The following RGS3 variants were observed in gnomAD, a reference collection of about 807,000 sequenced individuals.
RGS3 encodes regulator of G-protein signalling 3.
In RGS3, 80 loss-of-function variants were observed where a neutral mutation model predicts 132.6. The ratio of observed to expected loss-of-function variants is 0.60; its 90% confidence interval spans 0.50 to 0.73. The LOEUF (loss-of-function observed/expected upper bound fraction) is 0.73. RGS3 is among the 30% of genes least tolerant of loss of function. The pLI is 0.00. For synonymous variants in RGS3, 598 were observed against 620.6 expected, an observed-to-expected ratio of 0.96 and a Z score of 0.54; for missense variants, 1,382 against 1,530.8, an observed-to-expected ratio of 0.90 and a Z score of 1.62.
At chr9:113,563,476 C>T (rs1339249311) in intron 19 of RGS3, among the ~76,000 whole-genome samples, 1 of 152,228 alleles carries the variant, frequency 6.6e-6, no homozygotes, top group African/African-American at 2.4e-5. Flanking sequence ...TCTTATCCCA[C>T]ACACCAGAAA....
Position 113,519,882 on chromosome 9 carries a change from G to T in RGS3, c.1758+2258G>T, listed in dbSNP as rs147555900. On this transcript the variant is annotated intron_variant, in intron 16 of 24. Transcript: ENST00000350696. ...AGCCCCTTCCAGAAGTAATAGACTT[G>T]ATTAATGTGCCCTGAGGTCTATGGC... 1.4e-4 allele frequency among the ~76,000 whole-genome samples: 21 copies of T among 152,278 alleles called. 1 individual carries two copies. The highest frequency in any genetic ancestry group is 2.8e-4 in the Non-Finnish European group (19 of 68,018).
At chr9:113,478,963 C>T (rs1327854060) in intron 3 of RGS3, 1 of 160,396 alleles carries the variant, frequency 6.2e-6, no homozygotes, top group Non-Finnish European at 1.4e-5. Flanking sequence ...TATTGATGAA[C>T]ATTTCAGGTG....
intron 3 of RGS3, among the ~76,000 whole-genome samples, chr9:113,470,059 C>T (rs966194181): frequency 6.6e-6 from 1 of 152,074 alleles, no homozygotes; most frequent in Non-Finnish European, 1.5e-5. Context: ...TACAGGCACC[C>T]ACTACCATGC....
At chr9:113,571,619 A>T (rs1263632117) in intron 19 of RGS3, among the ~76,000 whole-genome samples, 1 of 152,070 alleles carries the variant, frequency 6.6e-6, no homozygotes, top group Non-Finnish European at 1.5e-5. Context: ...ATATGTGTTT[A>T]TTGTTGGATG....
rs186623316 is a variant in RGS3, at chr9:113,480,689, T to G, written c.466+1148T>G. The stretch of plus-strand genomic sequence containing the variant: ...CAGGGAGGGTGTGGCTAGCACTTCA[T>G]GCACAGGGCTAGCAAGTGCAAAGGC... On this transcript the variant is annotated intron_variant, in intron 4 of 24. Transcript: ENST00000350696. Among the ~76,000 whole-genome samples, 126 of 152,238 alleles carry G rather than the reference T, an allele frequency of 8.3e-4. 1 individual carries two copies. Among genetic ancestry groups the G allele is most frequent in the African/African-American group, 3.0e-3 (124 of 41,552 alleles).
At chr9:113,500,318 C>T (rs1260424270) in intron 10 of RGS3, among the ~76,000 whole-genome samples, 2 of 152,226 alleles carry the variant, frequency 1.3e-5, no homozygotes, top group Admixed American at 6.5e-5. Flanking sequence ...GTGACCTGCC[C>T]ACAGTCACAC....
intron 14 of RGS3, among the ~76,000 whole-genome samples, chr9:113,511,095 C>T (rs900495101): frequency 2.5e-4 from 38 of 152,268 alleles, no homozygotes; most frequent in African/African-American, 9.1e-4. Context: ...GGTGCCCTTC[C>T]GGAGCCCAGA....
chr9:113,549,116 C>G (rs1026038205), intron 19 of RGS3, among the ~76,000 whole-genome samples: 1 of 152,336 alleles, frequency 6.6e-6, no homozygotes, highest in Admixed American at 6.5e-5. Flanking sequence ...CTGCCCCTCC[C>G]CAGGAACAAG....
chr9:113,526,694 G>A (rs1200549532), intron 17 of RGS3, among the ~76,000 whole-genome samples: 2 of 152,154 alleles, frequency 1.3e-5, no homozygotes, highest in Non-Finnish European at 2.9e-5. Flanking sequence ...GGTCAGACCT[G>A]GGCCAGGAAG....
exon 25 of RGS3, chr9:113,597,562 G>T (rs1237209674): frequency 6.5e-6 from 1 of 152,702 alleles, no homozygotes; most frequent in Admixed American, 6.5e-5. Flanking sequence ...GTGGCAGGCA[G>T]CTGGCCTTCT....
intron 20 of RGS3, among the ~76,000 whole-genome samples, chr9:113,588,826 G>A (rs1588297641): frequency 6.6e-6 from 1 of 152,154 alleles, no homozygotes; most frequent in African/African-American, 2.4e-5. Flanking sequence ...GTTATTACCC[G>A]CATTTTACAA....
At chr9:113,460,198 A>G, upstream of RGS3, 1 of 1,218,822 alleles carries the variant, frequency 8.2e-7, no homozygotes, top group Non-Finnish European at 1.0e-6. Context: ...TTTGAGGATA[A>G]ATTTCACCTT....
chr9:113,507,337 T>G lies in RGS3; in HGVS notation c.1136T>G (p.Val379Gly). The G allele has an allele frequency of 5.6e-6, 9 of 1,613,792 alleles. No individual in the cohort carries two copies. Among genetic ancestry groups the G allele is most frequent in the Non-Finnish European group, 7.6e-6 (9 of 1,179,972 alleles). Residue 379 changes from valine (V) to glycine (G), a missense_variant, in exon 13 of 25, where the codon GTC becomes GGC. By Grantham distance (109) the Val-to-Gly change is moderately radical (BLOSUM62 -3). Transcript: ENST00000350696. This position sits in a 1 kb window ranked among gnomAD's most constrained non-coding sequence, Gnocchi z 5.0. ...CTCGTGTGGCGCATGGTCCCCCAGG[T>G]CAAGCCAGGACCAGATGGCGGGGTC...
chr9:113,580,195 G>T (rs1403863574), intron 19 of RGS3, among the ~76,000 whole-genome samples: 1 of 152,210 alleles, frequency 6.6e-6, no homozygotes, highest in Non-Finnish European at 1.5e-5. Context: ...GATGTGGGAT[G>T]CACCCAGGTG....
intron 3 of RGS3, among the ~76,000 whole-genome samples, chr9:113,474,503 G>A (rs1829930296): frequency 6.6e-6 from 1 of 152,184 alleles, no homozygotes; most frequent in African/African-American, 2.4e-5. Flanking sequence ...TCAGGGCTGG[G>A]GTGTGGATGA....
At chr9:113,459,736 C>CA (rs1005571292), upstream of RGS3, among the ~76,000 whole-genome samples, 72 of 149,278 alleles carry the variant, frequency 4.8e-4, no homozygotes, top group Admixed American at 4.2e-3. Flanking sequence ...GATTCTGTTT[C>CA]AAAAAAAATA....
In RGS3 at chr9:113,565,374, A is replaced by G; in HGVS notation, c.2038-18076A>G. On this transcript the variant is annotated intron_variant, in intron 19 of 24. Transcript: ENST00000350696. This position sits in a 1 kb window ranked among gnomAD's most constrained non-coding sequence, Gnocchi z 5.7. ...CGGCTAGACAGGGTGTGTGTTTGGG[A>G]AAGGCGCTGGAGGAGGAGGAAGAGG... 1 of 1,289,610 alleles carries G rather than the reference A, an allele frequency of 7.8e-7. No homozygotes were observed. The highest frequency in any genetic ancestry group is 1.0e-6 in the Non-Finnish European group (1 of 988,668). 79.9% of individuals were successfully genotyped at this position (1,289,610 alleles called of 1,614,324 possible). A position where few individuals can be genotyped will look rare whatever the true frequency, so the allele number is the denominator to read the frequency against.
chr9:113,499,811 T>A (rs1308460388), intron 10 of RGS3, among the ~76,000 whole-genome samples: 1 of 152,208 alleles, frequency 6.6e-6, no homozygotes, highest in Non-Finnish European at 1.5e-5. Context: ...TTTTAAGTAA[T>A]TTCAGTTTAC....
intron 16 of RGS3, chr9:113,522,391 C>T (rs1488742387): frequency 6.6e-6 from 1 of 152,504 alleles, no homozygotes; most frequent in Non-Finnish European, 1.5e-5. Context: ...GTTGAGAAAA[C>T]TGAAGGGGTT....
Sources: allele counts gnomAD v4.1 joint callset (sites outside exome capture counted in the v4.1 genomes callset), GRCh38; gene constraint gnomAD v4.1.1; non-coding constraint Gnocchi (gnomAD v3.1); transcripts MANE v1.5; gene names NCBI Gene and HGNC (gene_info 2026-07-23, HGNC 2026-07-21).